The following LPAR5 variants were observed in gnomAD, a reference collection of about 807,000 sequenced individuals.
LPAR5 encodes the protein G protein-coupled receptor 92.
For synonymous variants in LPAR5, 271 were observed against 261.6 expected (o/e 1.04, Z -0.35); for missense variants, 544 against 521.8 (o/e 1.04, Z -0.41).
chr12:6,630,433 C>CTTTTTTTTTTTTTTTTTTT lies in LPAR5; in HGVS notation c.-217+5455_-217+5473dup, dbSNP rs34529805. ...GAGTGAACCACTGCACCCAGCCCAT[C>CTTTTTTTTTTTTTTTTTTT]TTTTTTTTTTTTTTTTTTTTTTTTT... On this transcript the variant is annotated intron_variant, in intron 1 of 1. Transcript: ENST00000329858. Among the ~76,000 whole-genome samples, 18 of 41,826 alleles carry CTTTTTTTTTTTTTTTTTTT rather than the reference C, an allele frequency of 4.3e-4. 4 individuals are homozygous for CTTTTTTTTTTTTTTTTTTT. Among genetic ancestry groups the CTTTTTTTTTTTTTTTTTTT allele is most frequent in the Admixed American group, 1.2e-3 (3 of 2,596 alleles). The allele number at this position is 41,826 out of a possible 152,430, so 27.4% of individuals were successfully genotyped here.
chr12:6,630,289 A>AT (rs1320472754), intron 1 of LPAR5, among the ~76,000 whole-genome samples: 5 of 151,410 alleles, frequency 3.3e-5, no homozygotes, highest in Admixed American at 1.3e-4. Context: ...CACCTGCCTA[A>AT]TTTTTTGTGT....
intron 1 of LPAR5, among the ~76,000 whole-genome samples, chr12:6,629,980 C>T (rs1035171743): frequency 3.4e-4 from 51 of 151,714 alleles, no homozygotes; most frequent in African/African-American, 1.1e-3. Context: ...GCTGAGATCG[C>T]GCCACTGCAC....
chr12:6,628,188 A>AT (rs1468770291), intron 1 of LPAR5, among the ~76,000 whole-genome samples: 1 of 151,044 alleles, frequency 6.6e-6, no homozygotes, highest in African/African-American at 2.4e-5. Context: ...CACCCGGCTA[A>AT]TTTTTTGTAT....
At chr12:6,622,364 T>G (rs1169083540) in intron 1 of LPAR5, among the ~76,000 whole-genome samples, 6 of 124,780 alleles carry the variant, frequency 4.8e-5, no homozygotes, top group East Asian at 2.4e-4. Flanking sequence ...GGGGGTGGAG[T>G]TTGCAGTGAG....
rs138903449 is a variant in LPAR5 at position 6,633,780 on chromosome 12, A to C, written c.-217+2127T>G. 4.7e-3 allele frequency among the ~76,000 whole-genome samples: 709 copies of C among 152,236 alleles called. 4 individuals are homozygous for C. Among genetic ancestry groups the C allele is most frequent in the Middle Eastern group, 0.024 (7 of 294 alleles). On this transcript the variant is annotated intron_variant, in intron 1 of 1. Transcript: ENST00000329858. ...TCTGTCAGTAGGTATGTCCTGGGGT[A>C]TGCACTGGGGGCAGCAGAGTAGGGA...
At chr12:6,634,285 G>A (rs1015729414) in intron 1 of LPAR5, among the ~76,000 whole-genome samples, 1 of 152,022 alleles carries the variant, frequency 6.6e-6, no homozygotes, top group Non-Finnish European at 1.5e-5. Context: ...GATTACAGGT[G>A]TGAGCCACCA....
chr12:6,626,426 G>A (rs750267568), intron 1 of LPAR5, among the ~76,000 whole-genome samples: 37 of 152,136 alleles, frequency 2.4e-4, no homozygotes, highest in Admixed American at 3.3e-4. Flanking sequence ...AGTTTTTCTT[G>A]TATTTGGTTT....
At position 6,620,827 on chromosome 12, in the gene LPAR5, A is replaced by G; in HGVS notation, c.422T>C (p.Leu141Pro). 1 of 1,561,820 alleles carries G rather than the reference A, an allele frequency of 6.4e-7. No homozygotes were observed. The highest frequency in any genetic ancestry group is 1.2e-5 in the South Asian group (1 of 85,868). The change falls in exon 2 of 2, where the codon CTC becomes CCC. Residue 141 changes from leucine to proline, a missense_variant. Transcript: ENST00000329858. The surrounding 1 kb of genome is among the most constrained non-coding windows in gnomAD (Gnocchi z 6.8). ...HLRRPRVARL[L>P]CLGVWALILV... ...GATGAGCGCCCACACGCCCAGGCAG[A>G]GCAGCCGCGCCACGCGGGGCCGCCG...
At position 6,621,492 on chromosome 12, in the gene LPAR5, A is replaced by G. The variant is rs1948895822; in HGVS notation, c.-216-28T>C. 5 of 410,690 alleles carry G rather than the reference A, an allele frequency of 1.2e-5. No homozygotes were observed. In the East Asian group the frequency reaches 2.0e-4, roughly 16 times the overall value. The allele number at this position is 410,690 out of a possible 1,614,324, so 25.4% of individuals were successfully genotyped here. A position where few individuals can be genotyped will look rare whatever the true frequency, so the allele number is the denominator to read the frequency against. On this transcript the variant is annotated intron_variant, in intron 1 of 1. Coordinates refer to ENST00000329858, the MANE Select transcript of LPAR5 (RefSeq NM_020400.6). ...GGAATAGGAAGGCAAGCCGGAAGTT[A>G]TACAGAGACAGGGCTGCACACACAA...
chr12:6,619,935 T>G lies in LPAR5; in HGVS notation c.*195A>C, dbSNP rs1189393350. 2 of 797,790 alleles carry G rather than the reference T, an allele frequency of 2.5e-6. No individual in the cohort carries two copies. Among genetic ancestry groups the G allele is most frequent in the Non-Finnish European group, 4.3e-6 (2 of 467,714 alleles). The allele number at this position is 797,790 out of a possible 1,614,324, so 49.4% of individuals were successfully genotyped here. ...AGGGGTGCTCTGCGTGCTCACAGTTTAAAGAAGCCATTTCCAGCAGCACTG... is the reference window on the plus strand; with the variant it reads ...AGGGGTGCTCTGCGTGCTCACAGTTGAAAGAAGCCATTTCCAGCAGCACTG... On this transcript the variant is annotated 3_prime_UTR_variant, in exon 2 of 2. Transcript: ENST00000329858.
At chr12:6,623,237 C>CA (rs756204538) in intron 1 of LPAR5, among the ~76,000 whole-genome samples, 2,270 of 132,822 alleles carry the variant, frequency 0.017, 42 homozygotes, top group African/African-American at 0.053. Flanking sequence ...GACTCCATCT[C>CA]AAAAAAAAAA....
chr12:6,634,315 A>G (rs913611112), intron 1 of LPAR5, among the ~76,000 whole-genome samples: 2 of 151,824 alleles, frequency 1.3e-5, no homozygotes, highest in African/African-American at 4.8e-5. Context: ...CTACAAAAAA[A>G]TTTCAAAAAA....
Position 6,621,201 on chromosome 12 carries a change from A to G in LPAR5, c.48T>C (p.Pro16=). Residue 16 remains proline (P), a synonymous_variant, in exon 2 of 2, where the codon CCT becomes CCC. Coordinates refer to ENST00000329858, the MANE Select transcript of LPAR5 (RefSeq NM_020400.6). ...SSTNSSVLPC[P]DYRPTHRLHL... ...GCAGGCGGTGGGTAGGTCGGTAGTC[A>G]GGACACGGGAGAACAGAACTGTTGG... The G allele has an allele frequency of 6.5e-7, 1 of 1,540,282 alleles. No individual in the cohort carries two copies. The highest frequency in any genetic ancestry group is 1.3e-5 in the South Asian group (1 of 79,066).
At chr12:6,632,419 G>A (rs1023794141) in intron 1 of LPAR5, among the ~76,000 whole-genome samples, 2 of 152,076 alleles carry the variant, frequency 1.3e-5, no homozygotes, top group Admixed American at 1.3e-4. Context: ...TTAGAGTCTC[G>A]TGGCCCATCA....
Position 6,620,599 on chromosome 12 carries a change from G to A in LPAR5, c.650C>T (p.Thr217Met). 6.4e-7 allele frequency: 1 copy of A among 1,551,842 alleles called. No homozygotes were observed. Among genetic ancestry groups the A allele is most frequent in the Non-Finnish European group, 8.7e-7 (1 of 1,148,216 alleles). The change falls in exon 2 of 2, where the codon ACG (threonine) becomes ATG (methionine). Residue 217 changes from threonine (T) to methionine (M), a missense_variant. Coordinates refer to ENST00000329858, the MANE Select transcript of LPAR5 (RefSeq NM_020400.6). This position sits in a 1 kb window ranked among gnomAD's most constrained non-coding sequence, Gnocchi z 6.8. ...VVYSSGRVFW[T>M]LARPDATQSQ... is the part of the protein sequence containing the mutation. Reference sequence around the variant, plus strand: ...CTGCGTGGCGTCGGGGCGCGCCAGCGTCCAGAAGACTCGGCCCGACGAGTA... The same window carrying A: ...CTGCGTGGCGTCGGGGCGCGCCAGCATCCAGAAGACTCGGCCCGACGAGTA...
rs770686184 is a variant in LPAR5 at position 6,620,732 on chromosome 12, G to A, written c.517C>T (p.Arg173Cys). The stretch of plus-strand genomic sequence containing the variant: ...TCGCTGAAGCTCTCGAAGCATAGGC[G>A]CACCTCGAGGTCCCGGTAGCGGCAA... ...SRCRYRDLEV[R>C]LCFESFSDEL... Residue 173 changes from arginine (R) to cysteine (C), a missense_variant, in exon 2 of 2, where the codon CGC (arginine) becomes TGC (cysteine). By Grantham distance (180) the Arg-to-Cys change is radical (BLOSUM62 -3). Transcript: ENST00000329858. The surrounding 1 kb of genome is among the most constrained non-coding windows in gnomAD (Gnocchi z 6.8). 2 of 1,588,132 alleles carry A rather than the reference G, an allele frequency of 1.3e-6. No homozygotes were observed. The highest frequency in any genetic ancestry group is 2.3e-5 in the East Asian group (1 of 44,062).
chr12:6,628,913 G>A (rs1316889251), intron 1 of LPAR5, among the ~76,000 whole-genome samples: 8 of 151,388 alleles, frequency 5.3e-5, no homozygotes, highest in Admixed American at 1.3e-4. Context: ...GATTACAGGC[G>A]TGAACCACCA....
intron 1 of LPAR5, among the ~76,000 whole-genome samples, chr12:6,622,926 G>A (rs921339073): frequency 6.6e-6 from 1 of 151,776 alleles, no homozygotes; most frequent in Non-Finnish European, 1.5e-5. Flanking sequence ...GACAGAGTGA[G>A]CCCATCTCAA....
At chr12:6,631,218 A>C (rs2136245052) in intron 1 of LPAR5, among the ~76,000 whole-genome samples, 1 of 152,300 alleles carries the variant, frequency 6.6e-6, no homozygotes, top group African/African-American at 2.4e-5. Flanking sequence ...AGACACATAT[A>C]CACACACGCT....
Sources: allele counts gnomAD v4.1 joint callset (sites outside exome capture counted in the v4.1 genomes callset), GRCh38; gene constraint gnomAD v4.1.1; non-coding constraint Gnocchi (gnomAD v3.1); transcripts MANE v1.5; gene names NCBI Gene and HGNC (gene_info 2026-07-23, HGNC 2026-07-21).